ZNF516: variants seen among roughly 807,000 people sequenced by gnomAD.
ZNF516 encodes the protein zinc finger protein 516.
Under a neutral mutation model 79.7 loss-of-function variants are expected in ZNF516, and 19 were observed. The ratio of observed to expected loss-of-function variants is 0.24; its 90% confidence interval spans 0.17 to 0.35. The LOEUF is 0.35. Ranked by LOEUF, ZNF516 falls within the 10% of genes least tolerant of loss-of-function variation. The pLI is 1.00. For synonymous variants in ZNF516, 877 were observed against 739.5 expected (o/e 1.19, Z -3.02); for missense variants, 1,678 against 1,679.5 (o/e 1.00, Z 0.02).
At chr18:76,430,615 T>C (rs1013241654) in intron 3 of ZNF516, among the ~76,000 whole-genome samples, 5 of 152,252 alleles carry the variant, frequency 3.3e-5, no homozygotes, top group Non-Finnish European at 5.9e-5. Flanking sequence ...AAGTTTTCTA[T>C]AGGATGGCCA....
In ZNF516 at chr18:76,431,064, C is replaced by T. The variant is rs2075654054; in HGVS notation, c.1810+10181G>A. Among the ~76,000 whole-genome samples the T allele has an allele frequency of 3.3e-5, 5 of 152,134 alleles. No individual in the cohort carries two copies. In the South Asian group the frequency reaches 1.0e-3, roughly 32 times the overall value. ...AAAATACAGACCTAAAATGGCAATC[C>T]ATTTTAATATGCAAAGGCTTATGCA... On this transcript the variant is annotated intron_variant, in intron 3 of 6. Coordinates refer to ENST00000443185, the MANE Select transcript of ZNF516 (RefSeq NM_014643.4).
intron 4 of ZNF516, among the ~76,000 whole-genome samples, chr18:76,374,013 G>A (rs1473024514): frequency 2.0e-5 from 3 of 152,224 alleles, no homozygotes; most frequent in Non-Finnish European, 2.9e-5. Flanking sequence ...ACTTCAGAGA[G>A]GGACACCCAG....
chr18:76,465,196 T>TA (rs1354000930), intron 1 of ZNF516, among the ~76,000 whole-genome samples: 1 of 152,232 alleles, frequency 6.6e-6, no homozygotes, highest in African/African-American at 2.4e-5. Flanking sequence ...TTTTCTGGCT[T>TA]AGTTTCCCCT....
chr18:76,380,911 A>G (rs2074881085), intron 3 of ZNF516, among the ~76,000 whole-genome samples: 1 of 152,208 alleles, frequency 6.6e-6, no homozygotes, highest in Non-Finnish European at 1.5e-5. Context: ...CAAGCCCAAA[A>G]CACTGATGCC....
intron 3 of ZNF516, among the ~76,000 whole-genome samples, chr18:76,430,204 T>C (rs1342510371): frequency 6.6e-6 from 1 of 152,236 alleles, no homozygotes; most frequent in African/African-American, 2.4e-5. Flanking sequence ...ACCTACCATC[T>C]TCCATCATTT....
In ZNF516 at chr18:76,379,966, CTTG is replaced by C. The variant is rs773376049; in HGVS notation, c.2145_2147del (p.Asn715del). ...CCCGCTTCCCTCCCCCAGAGTGTTCCTTGTTGTGCAAATCGGACAGCTTTTCTG... is the reference window on the plus strand; with the variant it reads ...CCCGCTTCCCTCCCCCAGAGTGTTCCTTGTGCAAATCGGACAGCTTTTCTG... On this transcript the variant is annotated inframe_deletion, in exon 4 of 7. Transcript: ENST00000443185. The C allele has an allele frequency of 3.6e-5, 58 of 1,613,886 alleles. No individual in the cohort carries two copies. The highest frequency in any genetic ancestry group is 4.4e-5 in the Non-Finnish European group (52 of 1,179,894).
At chr18:76,382,244 G>A (rs1599153963) in intron 3 of ZNF516, among the ~76,000 whole-genome samples, 1 of 152,250 alleles carries the variant, frequency 6.6e-6, no homozygotes, top group South Asian at 2.1e-4. Context: ...AAGGAGACTG[G>A]GCAGTGCTAG....
intron 1 of ZNF516, among the ~76,000 whole-genome samples, chr18:76,491,932 G>T (rs1382541067): frequency 1.3e-5 from 2 of 152,220 alleles, no homozygotes. Context: ...GGCGGAAATG[G>T]CCCGAGTGGG....
In ZNF516 at chr18:76,360,553, G is replaced by A. The variant is rs1442966961; in HGVS notation, c.*1945C>T. ...CAATTACAGTTGTTTAACTGTATCT[G>A]CATGGACATTCCTAATTACACCAAC... On this transcript the variant is annotated 3_prime_UTR_variant, in exon 7 of 7. Coordinates refer to ENST00000443185, the MANE Select transcript of ZNF516 (RefSeq NM_014643.4). 2 of 148,028 alleles carry A rather than the reference G, an allele frequency of 1.4e-5. No individual in the cohort carries two copies. Among genetic ancestry groups the A allele is most frequent in the African/African-American group, 5.0e-5 (2 of 39,974 alleles). The allele number at this position is 148,028 out of a possible 1,614,324, so 9.2% of individuals were successfully genotyped here. A position where few individuals can be genotyped will look rare whatever the true frequency, so the allele number is the denominator to read the frequency against.
intron 1 of ZNF516, among the ~76,000 whole-genome samples, chr18:76,463,889 G>A (rs574296914): frequency 1.2e-4 from 18 of 152,260 alleles, no homozygotes; most frequent in African/African-American, 2.2e-4. Context: ...AGCAGTGCTC[G>A]AAAGCTTATG....
intron 3 of ZNF516, among the ~76,000 whole-genome samples, chr18:76,410,599 G>T (rs1337971564): frequency 6.6e-6 from 1 of 152,168 alleles, no homozygotes; most frequent in East Asian, 1.9e-4. Flanking sequence ...TGCTTTTGGG[G>T]AGGAAAAACC....
chr18:76,429,302 C>T (rs111386386), intron 3 of ZNF516, among the ~76,000 whole-genome samples: 3 of 152,340 alleles, frequency 2.0e-5, no homozygotes, highest in African/African-American at 7.2e-5. Context: ...GAGACTCCTC[C>T]TGGCCTGGGA....
chr18:76,365,085 C>T (rs746355450), intron 6 of ZNF516, among the ~76,000 whole-genome samples: 12 of 152,312 alleles, frequency 7.9e-5, no homozygotes, highest in Admixed American at 2.0e-4. Flanking sequence ...TACCAACCTA[C>T]GTGATTTCTC....
intron 3 of ZNF516, among the ~76,000 whole-genome samples, chr18:76,434,858 G>GC (rs2075709091): frequency 2.0e-5 from 3 of 152,234 alleles, no homozygotes; most frequent in Admixed American, 2.0e-4. Flanking sequence ...CCTCCCCACT[G>GC]CAACGCAGGA....
At chr18:76,411,303 C>A (rs1221770984) in intron 3 of ZNF516, among the ~76,000 whole-genome samples, 1 of 152,194 alleles carries the variant, frequency 6.6e-6, no homozygotes, top group African/African-American at 2.4e-5. Context: ...CCTCACTGCA[C>A]CCCAGCTACA....
intron 5 of ZNF516, among the ~76,000 whole-genome samples, chr18:76,370,908 C>T (rs1377071105): frequency 1.3e-5 from 2 of 152,160 alleles, no homozygotes; most frequent in Non-Finnish European, 2.9e-5. Flanking sequence ...TGCATCAGAC[C>T]AGCTTCTGTG....
Position 76,439,844 on chromosome 18 carries a change from A to C in ZNF516, c.1810+1401T>G, listed in dbSNP as rs1286473289. The stretch of plus-strand genomic sequence containing the variant: ...GACAGAGTATTACTGGAACATAACC[A>C]GTAAAATCTGTATTTATAAAAATAA... On this transcript the variant is annotated intron_variant, in intron 3 of 6. Transcript: ENST00000443185. 2.6e-5 allele frequency among the ~76,000 whole-genome samples: 4 copies of C among 152,344 alleles called. No homozygotes were observed. The East Asian group carries it at 7.7e-4, about 29-fold the overall frequency.
At chr18:76,401,851 C>G (rs1354622126) in intron 3 of ZNF516, among the ~76,000 whole-genome samples, 5 of 21,888 alleles carry the variant, frequency 2.3e-4, no homozygotes, top group Admixed American at 1.2e-3. Flanking sequence ...ACCAACCACA[C>G]CCCCGCGCCG....
chr18:76,468,869 T>A (rs1913656702), intron 1 of ZNF516, among the ~76,000 whole-genome samples: 1 of 152,154 alleles, frequency 6.6e-6, no homozygotes, highest in Admixed American at 6.5e-5. Context: ...CCTTGTTTAG[T>A]CCTCAAAGAG....
Sources: gnomAD v4.1 joint callset for allele counts (sites outside exome capture counted in the v4.1 genomes callset) on GRCh38, gnomAD v4.1.1 for gene constraint, MANE v1.5 for transcripts, NCBI Gene and HGNC (gene_info 2026-07-23, HGNC 2026-07-21) for gene names.